The following ZFP64 variants were observed in gnomAD, a reference collection of about 807,000 sequenced individuals.
ZFP64 encodes zinc finger protein 64.
A neutral mutation model predicts 51.6 loss-of-function variants in ZFP64; 14 were observed. The observed-to-expected ratio is 0.27, with a 90% CI of 0.18 to 0.42. ZFP64 has a LOEUF of 0.42. ZFP64 is among the 10% of genes least tolerant of loss of function. The probability of loss-of-function intolerance (pLI) is 1.00; values close to 1 mark genes in which losing one functional copy is unlikely to be tolerated. For synonymous variants in ZFP64, 375 were observed against 361.4 expected (o/e 1.04, Z -0.43); for missense variants, 754 against 906.8 (o/e 0.83, Z 2.16).
intron 5 of ZFP64, among the ~76,000 whole-genome samples, chr20:52,135,936 TA>T (rs1255224714): frequency 6.6e-6 from 1 of 150,634 alleles, no homozygotes; most frequent in Non-Finnish European, 1.5e-5. Flanking sequence ...CTGCCTTGAC[TA>T]AAAATACAAA....
At chr20:52,108,793 G>C (rs563734636) in intron 5 of ZFP64, among the ~76,000 whole-genome samples, 4 of 151,732 alleles carry the variant, frequency 2.6e-5, no homozygotes, top group Non-Finnish European at 5.9e-5. Flanking sequence ...ACAGGTGTGA[G>C]CCACTGCGCC....
At chr20:52,091,748 G>A (rs1187852563) in intron 7 of ZFP64, among the ~76,000 whole-genome samples, 3 of 151,860 alleles carry the variant, frequency 2.0e-5, no homozygotes, top group South Asian at 4.3e-4. Flanking sequence ...AGCACTTTGG[G>A]AAGCCAAGGC....
chr20:52,088,926 C>A (rs1303181291), intron 7 of ZFP64: 2 of 601,486 alleles, frequency 3.3e-6, no homozygotes, highest in Non-Finnish European at 6.3e-6. Flanking sequence ...TATAGAAGTA[C>A]TCAGGATAAG....
At chr20:52,102,107 C>CAAAAAAAAAAAAAAAAGAAAAAAAAAA (rs2079058358) in intron 5 of ZFP64, among the ~76,000 whole-genome samples, 1 of 63,438 alleles carries the variant, frequency 1.6e-5, no homozygotes, top group Non-Finnish European at 3.1e-5. Context: ...ACTCCATCTC[C>CAAAAAAAAAAAAAAAAGAAAAAAAAAA]AAAAAAAAAA....
intron 5 of ZFP64, chr20:52,105,387 C>T: frequency 1.6e-6 from 2 of 1,234,166 alleles, no homozygotes; most frequent in Middle Eastern, 2.1e-4. Flanking sequence ...TATCAAGAGT[C>T]CTGACGGCTG....
chr20:52,183,446 A>C (rs1038610830), intron 2 of ZFP64, among the ~76,000 whole-genome samples: 7 of 152,300 alleles, frequency 4.6e-5, no homozygotes, highest in Admixed American at 4.6e-4. Flanking sequence ...GTCCTCATGA[A>C]GAAGACCACT....
At chr20:52,168,279 T>C (rs1982446701) in intron 2 of ZFP64, among the ~76,000 whole-genome samples, 1 of 152,058 alleles carries the variant, frequency 6.6e-6, no homozygotes, top group Non-Finnish European at 1.5e-5. Context: ...TCAGACAAAC[T>C]GATGTTTCCT....
chr20:52,117,315 A>AT (rs1342800824), intron 5 of ZFP64, among the ~76,000 whole-genome samples: 24 of 151,658 alleles, frequency 1.6e-4, no homozygotes, highest in African/African-American at 5.8e-4. Context: ...CAGAATCTGC[A>AT]TTTTAAAAAG....
At chr20:52,105,300 G>A (rs1397685944) in intron 5 of ZFP64, 8 of 1,261,724 alleles carry the variant, frequency 6.3e-6, no homozygotes, top group Non-Finnish European at 8.0e-6. Flanking sequence ...ACGAATTCCC[G>A]GAGTTCGGAA....
intron 5 of ZFP64, among the ~76,000 whole-genome samples, chr20:52,122,738 G>A (rs1270354417): frequency 6.6e-6 from 1 of 152,108 alleles, no homozygotes; most frequent in African/African-American, 2.4e-5. Context: ...AGATTTAAAT[G>A]TCAGAAGTAG....
At chr20:52,148,171 G>A (rs185851023), downstream of ZFP64, among the ~76,000 whole-genome samples, 16 of 152,254 alleles carry the variant, frequency 1.1e-4, no homozygotes, top group African/African-American at 3.9e-4. Context: ...ATAGCTGGGG[G>A]AAGCTTTGTA....
chr20:52,179,217 C>T (rs533843211), intron 2 of ZFP64, among the ~76,000 whole-genome samples: 4 of 152,104 alleles, frequency 2.6e-5, no homozygotes, highest in East Asian at 3.8e-4. Flanking sequence ...TCAAGATGTG[C>T]CTTTCACCTT....
At chr20:52,188,297 T>G (rs1265669891) in intron 1 of ZFP64, among the ~76,000 whole-genome samples, 1 of 144,038 alleles carries the variant, frequency 6.9e-6, no homozygotes, top group African/African-American at 2.7e-5. Context: ...GGACATTATT[T>G]CTTTTTCTTT....
At chr20:52,180,547 CAAAAAAAAAAA>C (rs10669415) in intron 2 of ZFP64, among the ~76,000 whole-genome samples, 5 of 87,210 alleles carry the variant, frequency 5.7e-5, no homozygotes, top group African/African-American at 2.3e-4. Flanking sequence ...CCAGAAATGG[CAAAAAAAAAAA>C]AAAAAAAAAA....
Position 52,085,354 on chromosome 20 carries a change from G to A in ZFP64, c.1229-88C>T. 7.2e-7 allele frequency: 1 copy of A among 1,392,608 alleles called. No homozygotes were observed. Among genetic ancestry groups the A allele is most frequent in the Non-Finnish European group, 9.6e-7 (1 of 1,038,298 alleles). The allele number at this position is 1,392,608 out of a possible 1,614,324, so 86.3% of individuals were successfully genotyped here. On this transcript the variant is annotated intron_variant, in intron 8 of 8. Coordinates refer to the ZFP64 transcript ENST00000361387. The surrounding 1 kb of genome is among the most constrained non-coding windows in gnomAD (Gnocchi z 4.3). ...CTGCCTTAGCACACTTGGCCGCCAT[G>A]AGATGGTTGGGTTTTGTGAACTCTA...
rs370053376 is a variant in ZFP64, at chr20:52,103,605, GCA to G, written c.764-5020_764-5019del. Among the ~76,000 whole-genome samples, 616 of 152,320 alleles carry G rather than the reference GCA, an allele frequency of 4.0e-3. 6 individuals are homozygous for G. The highest frequency in any genetic ancestry group is 0.014 in the African/African-American group (575 of 41,574). On this transcript the variant is annotated intron_variant, in intron 5 of 8. Transcript: ENST00000361387. Reference sequence around the variant, plus strand: ...CTGCAGGAATCCAAAGTAGCTCAGTGCACAGACTTTCAACTCCAGCCTGGGGT... The same window carrying G: ...CTGCAGGAATCCAAAGTAGCTCAGTGCAGACTTTCAACTCCAGCCTGGGGT...
intron 1 of ZFP64, among the ~76,000 whole-genome samples, chr20:52,188,308 C>CTTTTTT (rs1164512289): frequency 4.3e-4 from 45 of 104,240 alleles, no homozygotes; most frequent in Non-Finnish European, 6.8e-4. Flanking sequence ...CTTTTTCTTT[C>CTTTTTT]TTTTTTTTTT....
intron 4 of ZFP64, among the ~76,000 whole-genome samples, chr20:52,163,808 G>C (rs1205597036): frequency 6.6e-6 from 1 of 152,026 alleles, no homozygotes; most frequent in African/African-American, 2.4e-5. Context: ...AAGTCTGAAG[G>C]CAATTCCTTT....
chr20:52,119,529 A>T (rs1315217096), intron 5 of ZFP64, among the ~76,000 whole-genome samples: 7 of 75,234 alleles, frequency 9.3e-5, no homozygotes, highest in Admixed American at 4.4e-4. Context: ...CTAAAAAAAA[A>T]AAAAATATAT....
Sources: gnomAD v4.1 joint callset for allele counts (sites outside exome capture counted in the v4.1 genomes callset) on GRCh38, gnomAD v4.1.1 for gene constraint, Gnocchi (gnomAD v3.1) non-coding constraint, MANE v1.5 for transcripts, NCBI Gene and HGNC (gene_info 2026-07-23, HGNC 2026-07-21) for gene names.